NELFB: variants seen among roughly 807,000 people sequenced by gnomAD.
NELFB encodes negative elongation factor B.
NELFB carries 34 observed loss-of-function variants against 60.2 expected under a neutral mutation model. The observed-to-expected ratio is 0.56, with a 90% CI of 0.43 to 0.75. NELFB has a LOEUF of 0.75. NELFB is among the 30% of genes least tolerant of loss of function. NELFB has a pLI of 0.00. For synonymous variants in NELFB, 459 were observed against 382.1 expected, an observed-to-expected ratio of 1.20 and a Z score of -2.35; for missense variants, 770 against 831.6, an observed-to-expected ratio of 0.93 and a Z score of 0.91.
chr9:137,266,246 C>A, intron 7 of NELFB, 85 bp from the exon 8 acceptor site: 2 of 1,223,244 alleles, frequency 1.6e-6, no homozygotes, highest in Non-Finnish European at 2.3e-6. Flanking sequence ...ACCAGAGATC[C>A]TGCTGAGTAA....
chr9:137,258,029 T>C (rs1837584271), intron 4 of NELFB, among the ~76,000 whole-genome samples: 1 of 151,462 alleles, frequency 6.6e-6, no homozygotes, highest in Non-Finnish European at 1.5e-5. Flanking sequence ...GGTCTTGAAC[T>C]CCTGGGCTGA....
In NELFB at chr9:137,272,932, C is replaced by G; in HGVS notation, c.*4C>G. On this transcript the variant is annotated 3_prime_UTR_variant, in exon 13 of 13. Transcript: ENST00000343053. ...GCCCGCCCCTGCCCCGCTCTGAGGG[C>G]CCTCCAGACCTGCTCGGGTGCTGGG... The G allele has an allele frequency of 1.3e-6, 2 of 1,508,772 alleles. No homozygotes were observed. Among genetic ancestry groups the G allele is most frequent in the Admixed American group, 2.2e-5 (1 of 45,184 alleles). 93.5% of individuals were successfully genotyped at this position (1,508,772 alleles called of 1,614,324 possible). A position where few individuals can be genotyped will look rare whatever the true frequency, so the allele number is the denominator to read the frequency against.
intron 4 of NELFB, among the ~76,000 whole-genome samples, chr9:137,257,938 G>A (rs1010283498): frequency 6.6e-6 from 1 of 151,622 alleles, no homozygotes; most frequent in African/African-American, 2.4e-5. Context: ...TGGGACCACA[G>A]GCACGTGCCA....
intron 6 of NELFB, 64 bp from the exon 7 acceptor site, chr9:137,265,813 G>A: frequency 9.1e-7 from 1 of 1,094,742 alleles, no homozygotes; most frequent in South Asian, 1.2e-5. Context: ...CCCCTCCTGA[G>A]GACTGTGCCG....
intron 6 of NELFB, among the ~76,000 whole-genome samples, chr9:137,264,780 A>C (rs1384040776): frequency 1.3e-5 from 2 of 151,596 alleles, no homozygotes; most frequent in Non-Finnish European, 2.9e-5. Flanking sequence ...TGGATGTTTC[A>C]ATAGAGCTAT....
At position 137,272,130 on chromosome 9, in the gene NELFB, C is replaced by T. The variant is rs1323768703; in HGVS notation, c.1539C>T (p.Leu513=). Residue 513 remains leucine (L), a synonymous_variant, in exon 11 of 13, where the codon CTC becomes CTT. Coordinates refer to ENST00000343053, the MANE Select transcript of NELFB (RefSeq NM_015456.5). ...TTGGCGACATCTTCCTCCACCTGCT[C>T]ACGGGCAACCTTGCGCTGCTGGCCG... 17 of 1,614,112 alleles carry T rather than the reference C, an allele frequency of 1.1e-5. No individual in the cohort carries two copies. The highest frequency in any genetic ancestry group is 1.4e-5 in the Non-Finnish European group (17 of 1,180,048).
chr9:137,265,968 A>G lies in NELFB; in HGVS notation c.1132A>G (p.Thr378Ala), dbSNP rs1830513561. ...CCTGCAGGAGCTGGTCGGCCAGGAG[A>G]CACTGCCCAGGGTGAGTGTGGGCTT... The change falls in exon 7 of 13, where the codon ACA becomes GCA. Residue 378 changes from threonine (T) to alanine (A), a missense_variant. By Grantham distance (58) the Thr-to-Ala change is moderately conservative (BLOSUM62 0). Transcript: ENST00000343053. 6.2e-7 allele frequency: 1 copy of G among 1,611,912 alleles called. No homozygotes were observed. The highest frequency in any genetic ancestry group is 8.5e-7 in the Non-Finnish European group (1 of 1,179,076).
At chr9:137,270,776 C>T (rs2118990760) in intron 10 of NELFB, among the ~76,000 whole-genome samples, 1 of 152,188 alleles carries the variant, frequency 6.6e-6, no homozygotes, top group South Asian at 2.1e-4. Context: ...GAAAAATTAG[C>T]CCGGCGCGGT....
At chr9:137,261,901 C>G (rs1292547081) in intron 4 of NELFB, among the ~76,000 whole-genome samples, 2 of 151,878 alleles carry the variant, frequency 1.3e-5, no homozygotes, top group South Asian at 4.2e-4. Flanking sequence ...AGAGTGTGAG[C>G]CATCTCCAAT....
At chr9:137,259,637 T>C (rs751408484) in intron 4 of NELFB, among the ~76,000 whole-genome samples, 2 of 151,510 alleles carry the variant, frequency 1.3e-5, no homozygotes, top group Non-Finnish European at 2.9e-5. Context: ...GTTGATTCTC[T>C]TTTATTTTTA....
Position 137,269,849 on chromosome 9 carries a change from C to T in NELFB, c.1490-2232C>T, listed in dbSNP as rs745568298. Among the ~76,000 whole-genome samples, 58 of 152,314 alleles carry T rather than the reference C, an allele frequency of 3.8e-4. No homozygotes were observed. Among genetic ancestry groups the T allele is most frequent in the Non-Finnish European group, 6.5e-4 (44 of 68,030 alleles). ...ACCAGGAGTGCAGCTTCTCGGAGTA[C>T]GTGGCTGCCCCACGGGGTGGGATGT... On this transcript the variant is annotated intron_variant, in intron 10 of 12. Coordinates refer to ENST00000343053, the MANE Select transcript of NELFB (RefSeq NM_015456.5). This position sits in a 1 kb window ranked among gnomAD's most constrained non-coding sequence, Gnocchi z 5.3.
chr9:137,264,328 C>T lies in NELFB; in HGVS notation c.1011C>T (p.Gly337=), dbSNP rs755523471. 9.4e-6 allele frequency: 15 copies of T among 1,599,226 alleles called. No individual in the cohort carries two copies. The highest frequency in any genetic ancestry group is 4.5e-5 in the East Asian group (2 of 44,428). Residue 337 remains glycine, a synonymous_variant, in exon 6 of 13, where the codon GGC becomes GGT. Coordinates refer to ENST00000343053, the MANE Select transcript of NELFB (RefSeq NM_015456.5). ...GGGAGCTGCAGGGGTTTCTCGATGG[C>T]GTCAAGAAGGGCCAGGAGCAGGTGC... is the stretch of plus-strand genomic sequence containing the variant.
At chr9:137,256,196 T>C (rs1457753443) in intron 2 of NELFB, 126 bp downstream of exon 2, 2 of 1,354,396 alleles carry the variant, frequency 1.5e-6, no homozygotes. Flanking sequence ...TGGGCCTGTG[T>C]CTGAGTGACC....
chr9:137,256,236 C>G (rs962608814), intron 2 of NELFB, 93 bp from the exon 3 acceptor site: 1 of 1,405,034 alleles, frequency 7.1e-7, no homozygotes, highest in East Asian at 2.3e-5. Flanking sequence ...GGCGTGGAGG[C>G]TTGTCCTGGT....
intron 6 of NELFB, among the ~76,000 whole-genome samples, chr9:137,265,412 A>G (rs1282254302): frequency 1.3e-4 from 2 of 15,728 alleles, no homozygotes; most frequent in East Asian, 1.9e-3. Context: ...TTTTTGAGAC[A>G]GAGTCTCGCT....
chr9:137,255,935 TTCAG>T lies in NELFB; in HGVS notation c.280_283del (p.Ser94ProfsTer58). The T allele has an allele frequency of 6.2e-7, 1 of 1,614,052 alleles. No individual in the cohort carries two copies. Among genetic ancestry groups the T allele is most frequent in the Non-Finnish European group, 8.5e-7 (1 of 1,180,020 alleles). ...GAGAATGGTGTGCTGCTGCCATCTC[TTCAG>T]TCAGCCCTCCCCTTCTTGGACCTGC... On this transcript the variant is annotated frameshift_variant, in exon 2 of 13. Transcript: ENST00000343053. LOFTEE classifies it high-confidence loss of function.
chr9:137,270,458 C>T (rs1830570604), intron 10 of NELFB, among the ~76,000 whole-genome samples: 1 of 150,166 alleles, frequency 6.7e-6, no homozygotes, highest in African/African-American at 2.5e-5. Flanking sequence ...GCGTGTGTGA[C>T]GCATGCCTGT....
intron 2 of NELFB, 25 bp downstream of exon 2, chr9:137,256,095 G>A: frequency 6.2e-7 from 1 of 1,604,548 alleles, no homozygotes. Context: ...GGGGTGGGCA[G>A]GTGAGATGTG....
In NELFB at chr9:137,256,385, C is replaced by G; in HGVS notation, c.467C>G (p.Ser156Cys). The G allele has an allele frequency of 1.2e-6, 2 of 1,614,050 alleles. No individual in the cohort carries two copies. The highest frequency in any genetic ancestry group is 1.7e-5 in the Admixed American group (1 of 60,028). ...AGCTTTTCTCTGGTGAAGATGCCGTCCCTGCAGCCCGTGGTGATGTGCGTC... is the reference window on the plus strand; with the variant it reads ...AGCTTTTCTCTGGTGAAGATGCCGTGCCTGCAGCCCGTGGTGATGTGCGTC... The change falls in exon 3 of 13, where the codon TCC becomes TGC. Residue 156 changes from serine (S) to cysteine (C), a missense_variant. Ser to Cys is a moderately radical substitution (Grantham distance 112). Coordinates refer to ENST00000343053, the MANE Select transcript of NELFB (RefSeq NM_015456.5).
Sources: gnomAD v4.1 joint callset for allele counts (sites outside exome capture counted in the v4.1 genomes callset) on GRCh38, gnomAD v4.1.1 for gene constraint, Gnocchi (gnomAD v3.1) non-coding constraint, MANE v1.5 for transcripts, NCBI Gene and HGNC (gene_info 2026-07-23, HGNC 2026-07-21) for gene names.